The following RGS9 variants were observed in gnomAD, a reference collection of about 807,000 sequenced individuals.
RGS9 encodes regulator of G protein signaling 9, also known as regulator of G-protein signalling 9.
Under a neutral mutation model 102.0 loss-of-function variants are expected in RGS9, and 78 were observed. That is an observed-to-expected ratio of 0.76 (90% CI 0.64 to 0.92). RGS9 has a LOEUF of 0.92. RGS9 is among the 40% of genes least tolerant of loss of function. The pLI is 0.00. For missense variants in RGS9, 833 were observed against 866.1 expected, an observed-to-expected ratio of 0.96 and a Z score of 0.48; for synonymous variants, 353 against 318.6, an observed-to-expected ratio of 1.11 and a Z score of -1.15.
intron 2 of RGS9, among the ~76,000 whole-genome samples, chr17:65,156,603 G>T (rs1910776458): frequency 1.3e-5 from 2 of 152,242 alleles, no homozygotes; most frequent in African/African-American, 4.8e-5. Flanking sequence ...AGGCTGAGCA[G>T]CCTGCCAGGC....
rs1440259617 is a variant in RGS9 at position 65,215,474 on chromosome 17, CTCTATCTTTCTTTCGTTCTTTCGTTCTT to C, written c.1407+4873_1407+4900del. Among the ~76,000 whole-genome samples the C allele has an allele frequency of 1.9e-4, 26 of 137,120 alleles. 1 individual carries two copies. Among genetic ancestry groups the C allele is most frequent in the Middle Eastern group, 3.6e-3 (1 of 280 alleles). The allele number at this position is 137,120 out of a possible 152,430, so 90.0% of individuals were successfully genotyped here. A position where few individuals can be genotyped will look rare whatever the true frequency, so the allele number is the denominator to read the frequency against. ...GGAGTTTCTCTTTCTTTCTTTCTTT[CTCTATCTTTCTTTCGTTCTTTCGTTCTT>C]TCTTTCTTTCTTTCTTTCTTTCTTT... On this transcript the variant is annotated intron_variant, in intron 17 of 18. Transcript: ENST00000262406.
chr17:65,153,580 C>G (rs1383972911), intron 2 of RGS9, 62 bp downstream of exon 2: 1 of 1,326,188 alleles, frequency 7.5e-7, no homozygotes, highest in African/African-American at 1.4e-5. Flanking sequence ...ATACGGCCCA[C>G]CTCCTGTGTT....
intron 8 of RGS9, among the ~76,000 whole-genome samples, chr17:65,175,587 TGGGCTCCCCA>T (rs1181966061): frequency 1.3e-5 from 2 of 152,178 alleles, no homozygotes; most frequent in Admixed American, 1.3e-4. Context: ...ACACTCACCA[TGGGCTCCCCA>T]GGGCTCAGCA....
chr17:65,212,145 C>T (rs1913331185), intron 17 of RGS9, among the ~76,000 whole-genome samples: 1 of 152,218 alleles, frequency 6.6e-6, no homozygotes, highest in South Asian at 2.1e-4. Flanking sequence ...GTCTCTTCTA[C>T]TTTATTTTAT....
intron 17 of RGS9, among the ~76,000 whole-genome samples, chr17:65,215,521 T>C (rs958821179): frequency 1.4e-5 from 2 of 139,614 alleles, no homozygotes; most frequent in African/African-American, 6.1e-5. Flanking sequence ...TCTTTCTTTC[T>C]TTCTTTCTTT....
chr17:65,165,871 G>C (rs1911160244), intron 7 of RGS9, among the ~76,000 whole-genome samples: 1 of 152,118 alleles, frequency 6.6e-6, no homozygotes, highest in African/African-American at 2.4e-5. Context: ...CCTAAATTTA[G>C]TGGCTCAAAA....
At chr17:65,194,952 T>C (rs189136034) in intron 12 of RGS9, among the ~76,000 whole-genome samples, 1 of 152,366 alleles carries the variant, frequency 6.6e-6, no homozygotes, top group Non-Finnish European at 1.5e-5. Context: ...TGGCCCGCTC[T>C]GGGCAGCCAA....
intron 1 of RGS9, among the ~76,000 whole-genome samples, chr17:65,149,830 A>G (rs1021745275): frequency 6.6e-6 from 1 of 152,190 alleles, no homozygotes; most frequent in African/African-American, 2.4e-5. Flanking sequence ...TTATGGAGAG[A>G]AAGGAGATTC....
intron 13 of RGS9, among the ~76,000 whole-genome samples, chr17:65,201,446 T>C (rs1382778926): frequency 2.0e-5 from 3 of 152,188 alleles, no homozygotes; most frequent in South Asian, 2.1e-4. Flanking sequence ...TGATGGGTTC[T>C]CTAAGCACAG....
rs544112093 is a variant in RGS9, at chr17:65,173,143, C to T, written c.583-4589C>T. ...TTCACTGTGTTGGCCAGGCTGGTCT[C>T]GAACTCCTGACCTCATGATCTGCCG... On this transcript the variant is annotated intron_variant, in intron 8 of 18. Transcript: ENST00000262406. The surrounding 1 kb of genome is among the most constrained non-coding windows in gnomAD (Gnocchi z 4.8). Among the ~76,000 whole-genome samples, 33 of 152,090 alleles carry T rather than the reference C, an allele frequency of 2.2e-4. No individual in the cohort carries two copies. Among genetic ancestry groups the T allele is most frequent in the African/African-American group, 7.5e-4 (31 of 41,498 alleles).
chr17:65,191,228 A>G (rs1912353366), intron 11 of RGS9, among the ~76,000 whole-genome samples: 1 of 152,136 alleles, frequency 6.6e-6, no homozygotes, highest in Admixed American at 6.6e-5. Flanking sequence ...TGTTCCATAA[A>G]CCCAGTTTCA....
At chr17:65,203,674 G>A (rs561834033) in intron 14 of RGS9, among the ~76,000 whole-genome samples, 18 of 152,294 alleles carry the variant, frequency 1.2e-4, no homozygotes, top group East Asian at 5.8e-4. Context: ...TCTGCCCAGC[G>A]GGTCAGACCT....
intron 17 of RGS9, among the ~76,000 whole-genome samples, chr17:65,215,499 T>TCTTTCTTTCTTC (rs1913479263): frequency 1.1e-5 from 1 of 93,834 alleles, no homozygotes; most frequent in Non-Finnish European, 2.4e-5. Context: ...GTTCTTTCGT[T>TCTTTCTTTCTTC]CTTTCTTTCT....
intron 13 of RGS9, among the ~76,000 whole-genome samples, chr17:65,200,887 G>A (rs763646784): frequency 1.3e-5 from 2 of 152,172 alleles, no homozygotes; most frequent in African/African-American, 2.4e-5. Context: ...AAATATATAT[G>A]TAGATACATA....
chr17:65,137,424 A>T lies in RGS9; in HGVS notation c.-117A>T. ...GGCCCGGCCCGCGCCCTCCCCGCCC[A>T]GCCGCCTCCCCGTCGACGCCCAGGG... On this transcript the variant is annotated 5_prime_UTR_variant, in exon 1 of 19. Transcript: ENST00000262406. 1.9e-6 allele frequency: 2 copies of T among 1,043,390 alleles called. No homozygotes were observed. The highest frequency in any genetic ancestry group is 1.7e-5 in the Admixed American group (1 of 57,518). The allele number at this position is 1,043,390 out of a possible 1,614,324, so 64.6% of individuals were successfully genotyped here. A position where few individuals can be genotyped will look rare whatever the true frequency, so the allele number is the denominator to read the frequency against.
In RGS9 at chr17:65,155,130, A is replaced by C. The variant is rs149354030; in HGVS notation, c.154+1612A>C. 9.5e-3 allele frequency among the ~76,000 whole-genome samples: 1,454 copies of C among 152,324 alleles called. 22 individuals are homozygous for C. The highest frequency in any genetic ancestry group is 0.033 in the African/African-American group (1,366 of 41,572). On this transcript the variant is annotated intron_variant, in intron 2 of 18. Transcript: ENST00000262406. ...GAAACACTGACAAGCCAGACTTTGG[A>C]AAGGCCAAGAACCAGCGTAGCTCTG...
At chr17:65,156,519 T>C (rs1237750168) in intron 2 of RGS9, among the ~76,000 whole-genome samples, 2 of 151,852 alleles carry the variant, frequency 1.3e-5, no homozygotes, top group Non-Finnish European at 2.9e-5. Flanking sequence ...ACAGCACCGA[T>C]AAAAAAAAAT....
rs1912258420 is a variant in RGS9 at position 65,189,206 on chromosome 17, A to AT, written c.655-75dup. On this transcript the variant is annotated intron_variant, in intron 9 of 18. Transcript: ENST00000262406. ...ATGGGCATTTTTCTCATGGGGAAGG[A>AT]TTTTTATTTTTCAAATGGGTGTTTG... The AT allele has an allele frequency of 3.2e-6, 4 of 1,247,820 alleles. No individual in the cohort carries two copies. The East Asian group carries it at 9.3e-5, about 29-fold the overall frequency. The allele number at this position is 1,247,820 out of a possible 1,614,324, so 77.3% of individuals were successfully genotyped here.
In RGS9 at chr17:65,160,328, T is replaced by C; in HGVS notation, c.301T>C (p.Tyr101His). 1 of 1,613,372 alleles carries C rather than the reference T, an allele frequency of 6.2e-7. No individual in the cohort carries two copies. Residue 101 changes from tyrosine to histidine, a missense_variant, in exon 4 of 19, where the codon TAC (tyrosine) becomes CAC (histidine). This residue lies in a region of RGS9 where 328 missense variants were observed against 340.6 expected (regional missense o/e 0.96). Transcript: ENST00000262406. ...CATTCTCAAGCCTGATGGCAGCCTC[T>C]ACAGATTTCAGGTGAGTCTTGGCCT... ...NLILKPDGSLYRFQTPYFWPT... is the reference protein window; with the variant it reads ...NLILKPDGSLHRFQTPYFWPT...
Sources: gnomAD v4.1 joint callset for allele counts (sites outside exome capture counted in the v4.1 genomes callset) on GRCh38, gnomAD v4.1.1 for gene constraint, gnomAD v4.1.1 regional missense constraint, Gnocchi (gnomAD v3.1) non-coding constraint, MANE v1.5 for transcripts, NCBI Gene and HGNC (gene_info 2026-07-23, HGNC 2026-07-21) for gene names.